The following SPATA17 variants were observed in gnomAD, a reference collection of about 807,000 sequenced individuals.
SPATA17 encodes spermatogenesis associated 17, also known as spermatogenesis-associated protein 17.
Under a neutral mutation model 62.2 loss-of-function variants are expected in SPATA17, and 53 were observed. The ratio of observed to expected loss-of-function variants is 0.85; its 90% CI spans 0.68 to 1.07. The LOEUF is 1.07. SPATA17 is among the 50% of genes least tolerant of loss of function. The pLI, the probability that SPATA17 is intolerant of heterozygous loss-of-function variation, is 0.00. For synonymous variants in SPATA17, 146 were observed against 146.8 expected, an observed-to-expected ratio of 0.99 and a Z score of 0.04; for missense variants, 466 against 425.5, an observed-to-expected ratio of 1.10 and a Z score of -0.84.
chr1:217,765,692 T>G (rs1302902847), intron 6 of SPATA17, among the ~76,000 whole-genome samples: 1 of 152,010 alleles, frequency 6.6e-6, no homozygotes, highest in Non-Finnish European at 1.5e-5. Context: ...GTGTTCTATG[T>G]GAGTGTTTAG....
At chr1:217,663,891 G>A (rs1188623522) in intron 3 of SPATA17, among the ~76,000 whole-genome samples, 1 of 151,992 alleles carries the variant, frequency 6.6e-6, no homozygotes, top group African/African-American at 2.4e-5. Context: ...ATAACTTATG[G>A]TATGTTCGTA....
intron 9 of SPATA17, chr1:217,850,669 C>T (rs529027957): frequency 2.2e-5 from 33 of 1,515,206 alleles, no homozygotes; most frequent in Middle Eastern, 1.8e-4. Context: ...TGCTGCGAAT[C>T]GCCAGTCATG....
At chr1:217,698,221 C>T (rs780213290) in intron 5 of SPATA17, among the ~76,000 whole-genome samples, 7 of 152,014 alleles carry the variant, frequency 4.6e-5, no homozygotes, top group Non-Finnish European at 1.0e-4. Context: ...GGCAGATCAC[C>T]TTGGGAGTTT....
chr1:217,741,723 G>A (rs561125127), intron 5 of SPATA17, among the ~76,000 whole-genome samples: 1 of 152,270 alleles, frequency 6.6e-6, no homozygotes, highest in African/African-American at 2.4e-5. Context: ...TGCATTTGAT[G>A]TATTTTCTCA....
chr1:217,668,975 A>G, intron 3 of SPATA17, 58 bp from the exon 4 acceptor site: 2 of 1,375,410 alleles, frequency 1.5e-6, no homozygotes, highest in East Asian at 2.3e-5. Context: ...ATGTAAAAAT[A>G]GGCTGCACTG....
chr1:217,652,926 A>G (rs1670358278), intron 3 of SPATA17, among the ~76,000 whole-genome samples: 2 of 152,296 alleles, frequency 1.3e-5, no homozygotes, highest in Admixed American at 6.5e-5. Context: ...AAATTAAGTG[A>G]AACACTGTAC....
chr1:217,676,237 A>G (rs1477815229), intron 4 of SPATA17, among the ~76,000 whole-genome samples: 2 of 152,160 alleles, frequency 1.3e-5, no homozygotes, highest in African/African-American at 2.4e-5. Flanking sequence ...GTCATCCATC[A>G]TAAGCCTAGA....
At chr1:217,647,784 C>T (rs1463964181) in intron 1 of SPATA17, among the ~76,000 whole-genome samples, 1 of 151,786 alleles carries the variant, frequency 6.6e-6, no homozygotes, top group Non-Finnish European at 1.5e-5. Context: ...AGTGCAATGG[C>T]GCTATCTCAG....
intron 10 of SPATA17, among the ~76,000 whole-genome samples, chr1:217,864,538 T>G (rs922572196): frequency 6.6e-6 from 1 of 152,136 alleles, no homozygotes; most frequent in East Asian, 1.9e-4. Flanking sequence ...TATACATGTG[T>G]GTATGTATAA....
chr1:217,706,021 G>C (rs1671725311), intron 5 of SPATA17, among the ~76,000 whole-genome samples: 1 of 152,064 alleles, frequency 6.6e-6, no homozygotes, highest in Non-Finnish European at 1.5e-5. Context: ...ATGGTTGTAG[G>C]TGTGCAGCGT....
rs534380871 is a variant in SPATA17 at position 217,869,944 on chromosome 1, T to C, written c.*2925T>C. On this transcript the variant is annotated 3_prime_UTR_variant, in exon 11 of 11. Coordinates refer to ENST00000366933, the MANE Select transcript of SPATA17 (RefSeq NM_138796.4). ...ACATCATAAGTCAAGCCACCATAAA[T>C]AGCGGACCATCTGTATATCTGAAAG... 5 of 152,290 alleles carry C rather than the reference T, an allele frequency of 3.3e-5. No homozygotes were observed. Among genetic ancestry groups the C allele is most frequent in the African/African-American group, 1.2e-4 (5 of 41,560 alleles). The allele number at this position is 152,290 out of a possible 1,614,324, so 9.4% of individuals were successfully genotyped here.
chr1:217,829,718 A>G lies in SPATA17; in HGVS notation c.1005+27868A>G, dbSNP rs562113274. On this transcript the variant is annotated intron_variant, in intron 9 of 10. Coordinates refer to ENST00000366933, the MANE Select transcript of SPATA17 (RefSeq NM_138796.4). ...TTAAAACGAGCTCAAATACACATAG[A>G]GCATGAAAGAAAATGATTAACATGG... Among the ~76,000 whole-genome samples the G allele has an allele frequency of 6.6e-5, 10 of 151,514 alleles. No homozygotes were observed. In the East Asian group the frequency reaches 1.7e-3, roughly 26 times the overall value.
At chr1:217,831,651 TTTAA>T (rs1675145436) in intron 9 of SPATA17, among the ~76,000 whole-genome samples, 1 of 152,162 alleles carries the variant, frequency 6.6e-6, no homozygotes, top group African/African-American at 2.4e-5. Flanking sequence ...TATTCAGTGT[TTTAA>T]TTATTTTTAT....
chr1:217,709,051 T>C (rs983646963), intron 5 of SPATA17, among the ~76,000 whole-genome samples: 1 of 152,104 alleles, frequency 6.6e-6, no homozygotes, highest in African/African-American at 2.4e-5. Flanking sequence ...ATAAGAGCCA[T>C]CTATGACAAA....
chr1:217,689,219 G>GTTTTT (rs1339419236), intron 5 of SPATA17, among the ~76,000 whole-genome samples: 7 of 96,522 alleles, frequency 7.3e-5, no homozygotes, highest in Non-Finnish European at 1.4e-4. Flanking sequence ...CATTTATTAT[G>GTTTTT]TCTTTTTTTT....
intron 1 of SPATA17, among the ~76,000 whole-genome samples, chr1:217,636,630 G>T: frequency 6.6e-6 from 1 of 151,994 alleles, no homozygotes; most frequent in East Asian, 1.9e-4. Context: ...CGCTATGTTG[G>T]TCAGGCTGGT....
chr1:217,736,029 C>CTT (rs1161274616), intron 5 of SPATA17, among the ~76,000 whole-genome samples: 1 of 151,698 alleles, frequency 6.6e-6, no homozygotes, highest in Non-Finnish European at 1.5e-5. Context: ...GCAGAGTGCT[C>CTT]TTTTTCCTCA....
intron 3 of SPATA17, among the ~76,000 whole-genome samples, chr1:217,656,582 T>G (rs561707673): frequency 8.3e-4 from 98 of 118,466 alleles, no homozygotes; most frequent in Non-Finnish European, 1.1e-3. Context: ...ATGTATGTAT[T>G]TATTTATTTT....
chr1:217,658,480 C>T (rs1670488968), intron 3 of SPATA17, among the ~76,000 whole-genome samples: 1 of 152,030 alleles, frequency 6.6e-6, no homozygotes, highest in African/African-American at 2.4e-5. Flanking sequence ...AGTCTGGGGC[C>T]GGGTGTGGAG....
Sources: allele counts gnomAD v4.1 joint callset (sites outside exome capture counted in the v4.1 genomes callset), GRCh38; gene constraint gnomAD v4.1.1; transcripts MANE v1.5; gene names NCBI Gene and HGNC (gene_info 2026-07-23, HGNC 2026-07-21).